The following FBXW7 variants were observed in gnomAD, a reference collection of about 807,000 sequenced individuals.
The protein encoded by FBXW7 is F-box/WD repeat-containing protein 7.
FBXW7 carries 11 observed loss-of-function variants against 86.3 expected under a neutral mutation model. The ratio of observed to expected loss-of-function variants is 0.13; its 90% CI spans 0.08 to 0.21. The LOEUF is 0.21. FBXW7 is among the 10% of genes least tolerant of loss of function. FBXW7 has a pLI of 1.00. For missense variants in FBXW7, 488 were observed against 847.4 expected (o/e 0.58, Z 5.27); for synonymous variants, 313 against 297.9 (o/e 1.05, Z -0.52).
At chr4:152,356,538 A>G (rs1354294695) in intron 4 of FBXW7, among the ~76,000 whole-genome samples, 3 of 152,238 alleles carry the variant, frequency 2.0e-5, no homozygotes, top group Admixed American at 2.0e-4. Flanking sequence ...AGAAAGGACT[A>G]GGAAACCACC....
At chr4:152,442,577 A>T (rs1431460858) in intron 2 of FBXW7, among the ~76,000 whole-genome samples, 1 of 152,214 alleles carries the variant, frequency 6.6e-6, no homozygotes, top group African/African-American at 2.4e-5. Flanking sequence ...TGGTTTACAC[A>T]AGAGGTTAGC....
chr4:152,326,815 C>T (rs1729068795), intron 11 of FBXW7, among the ~76,000 whole-genome samples: 1 of 152,082 alleles, frequency 6.6e-6, no homozygotes. Flanking sequence ...TTACACTATA[C>T]ATTCCAGTAA....
chr4:152,323,950 A>C (rs1421279089), intron 13 of FBXW7: 2 of 467,970 alleles, frequency 4.3e-6, no homozygotes, highest in Non-Finnish European at 7.7e-6. Flanking sequence ...AAGTAGAGTC[A>C]ATTGAACATG....
At chr4:152,336,240 G>A (rs1272508191) in intron 7 of FBXW7, among the ~76,000 whole-genome samples, 1 of 151,998 alleles carries the variant, frequency 6.6e-6, no homozygotes, top group Non-Finnish European at 1.5e-5. Context: ...TCCCCAGGCA[G>A]TCTTTAAAAG....
chr4:152,457,770 C>G (rs1207378413), intron 2 of FBXW7, among the ~76,000 whole-genome samples: 1 of 149,242 alleles, frequency 6.7e-6, no homozygotes, highest in African/African-American at 2.5e-5. Flanking sequence ...TCCTAACAAA[C>G]AGTCTGGAGA....
At chr4:152,461,202 G>C (rs1438074251) in intron 2 of FBXW7, among the ~76,000 whole-genome samples, 1 of 152,068 alleles carries the variant, frequency 6.6e-6, no homozygotes, top group Non-Finnish European at 1.5e-5. Context: ...GTGGTGAGCC[G>C]AGATCGCACC....
At chr4:152,488,814 GAA>G (rs1335867153) in intron 2 of FBXW7, among the ~76,000 whole-genome samples, 1 of 151,864 alleles carries the variant, frequency 6.6e-6, no homozygotes, top group Non-Finnish European at 1.5e-5. Flanking sequence ...TTCTCAAAAA[GAA>G]AAGCATAAAT....
intron 2 of FBXW7, chr4:152,530,388 C>T (rs1208209919): frequency 3.3e-5 from 5 of 152,070 alleles, no homozygotes; most frequent in Admixed American, 2.6e-4. Flanking sequence ...GAAGTAAATG[C>T]TTTACATTTA....
chr4:152,434,964 C>G (rs536037710), intron 2 of FBXW7, among the ~76,000 whole-genome samples: 82 of 150,186 alleles, frequency 5.5e-4, no homozygotes, highest in Middle Eastern at 3.4e-3. Flanking sequence ...CCGCTCCCCC[C>G]CCCCCACACA....
At chr4:152,463,777 T>C (rs1239771771) in intron 2 of FBXW7, among the ~76,000 whole-genome samples, 2 of 152,166 alleles carry the variant, frequency 1.3e-5, no homozygotes, top group African/African-American at 4.8e-5. Context: ...ATAATCTACA[T>C]AATGAACACG....
intron 2 of FBXW7, among the ~76,000 whole-genome samples, chr4:152,422,373 G>A (rs1739022610): frequency 6.6e-6 from 1 of 152,208 alleles, no homozygotes; most frequent in Admixed American, 6.5e-5. Flanking sequence ...TGTAAGCGCA[G>A]TAAGTCTGAG....
chr4:152,429,376 T>C (rs1418575284), intron 2 of FBXW7, among the ~76,000 whole-genome samples: 1 of 7,058 alleles, frequency 1.4e-4, no homozygotes, highest in South Asian at 5.6e-3. Context: ...AGTTGGGTGG[T>C]GGGGGGCGGC....
chr4:152,417,369 G>T (rs1204542812), intron 2 of FBXW7, among the ~76,000 whole-genome samples: 1 of 152,024 alleles, frequency 6.6e-6, no homozygotes, highest in Non-Finnish European at 1.5e-5. Flanking sequence ...AACCCAGATG[G>T]CTCTTCTTCC....
chr4:152,427,112 A>C (rs1167239239), intron 2 of FBXW7, among the ~76,000 whole-genome samples: 1 of 152,202 alleles, frequency 6.6e-6, no homozygotes, highest in Non-Finnish European at 1.5e-5. Flanking sequence ...ATGCTTGGAA[A>C]ATAAGCTAGA....
chr4:152,516,259 C>G (rs78209965), intron 2 of FBXW7, among the ~76,000 whole-genome samples: 1 of 152,212 alleles, frequency 6.6e-6, no homozygotes, highest in Non-Finnish European at 1.5e-5. Context: ...GAAACCCGGC[C>G]GCACAGCAGG....
rs146653315 is a variant in FBXW7, at chr4:152,463,276, G to A, written c.-119-50747C>T. On this transcript the variant is annotated intron_variant, in intron 2 of 13. Coordinates refer to ENST00000281708, the MANE Select transcript of FBXW7 (RefSeq NM_001349798.2). Reference sequence around the variant, plus strand: ...TGCACTCCAGCCTGGGCGACACAGTGAGACTTTCTGTCTCAAAAAAAAAAA... The same window carrying A: ...TGCACTCCAGCCTGGGCGACACAGTAAGACTTTCTGTCTCAAAAAAAAAAA... Among the ~76,000 whole-genome samples, 35 of 151,710 alleles carry A rather than the reference G, an allele frequency of 2.3e-4. No homozygotes were observed. The East Asian group carries it at 6.4e-3, about 28-fold the overall frequency.
At chr4:152,478,845 T>C (rs1744639443) in intron 2 of FBXW7, among the ~76,000 whole-genome samples, 1 of 152,170 alleles carries the variant, frequency 6.6e-6, no homozygotes, top group Non-Finnish European at 1.5e-5. Flanking sequence ...GGCCATTTTA[T>C]ATCTTCTTTG....
chr4:152,328,038 A>G (rs1431953348), intron 11 of FBXW7, among the ~76,000 whole-genome samples, 170 bp downstream of exon 11: 1 of 151,976 alleles, frequency 6.6e-6, no homozygotes, highest in Admixed American at 6.6e-5. Context: ...GACAATCACC[A>G]ATTTTAAGAC....
chr4:152,438,097 C>T (rs1226350898), intron 2 of FBXW7, among the ~76,000 whole-genome samples: 2 of 152,082 alleles, frequency 1.3e-5, no homozygotes, highest in Non-Finnish European at 2.9e-5. Flanking sequence ...TCGCTTGAAC[C>T]TGAGAGGCGG....
Sources: gnomAD v4.1 joint callset for allele counts (sites outside exome capture counted in the v4.1 genomes callset) on GRCh38, gnomAD v4.1.1 for gene constraint, MANE v1.5 for transcripts, NCBI Gene and HGNC (gene_info 2026-07-23, HGNC 2026-07-21) for gene names.